EFCAB6: variants seen among roughly 807,000 people sequenced by gnomAD.
EFCAB6 encodes EF-hand calcium binding domain 6.
A neutral mutation model predicts 169.8 loss-of-function variants in EFCAB6; 156 were observed. That is an observed-to-expected ratio of 0.92 (90% CI 0.81 to 1.05). The LOEUF is 1.05. EFCAB6 is among the 50% of genes least tolerant of loss of function. The probability of loss-of-function intolerance (pLI) is 0.00; values close to 1 mark genes in which losing one functional copy is unlikely to be tolerated. For missense variants in EFCAB6, 1,800 were observed against 1,829.1 expected (o/e 0.98, Z 0.29); for synonymous variants, 698 against 676.4 (o/e 1.03, Z -0.50).
intron 2 of EFCAB6, among the ~76,000 whole-genome samples, chr22:43,793,193 AT>A (rs1298241893): frequency 6.6e-6 from 1 of 152,220 alleles, no homozygotes; most frequent in African/African-American, 2.4e-5. Flanking sequence ...TGAAAAAAAA[AT>A]AATCATATGA....
At chr22:43,627,841 G>A in intron 19 of EFCAB6, among the ~76,000 whole-genome samples, 1 of 152,222 alleles carries the variant, frequency 6.6e-6, no homozygotes, top group Non-Finnish European at 1.5e-5. Context: ...TGGGGATTTT[G>A]TGGAAAGCTC....
chr22:43,746,345 C>T (rs932284617), intron 6 of EFCAB6, among the ~76,000 whole-genome samples: 6 of 151,998 alleles, frequency 3.9e-5, no homozygotes, highest in Admixed American at 2.6e-4. Flanking sequence ...AAGCTGACCC[C>T]GAAAAAATGA....
intron 10 of EFCAB6, among the ~76,000 whole-genome samples, chr22:43,695,769 C>A (rs1275007812): frequency 1.3e-5 from 2 of 152,040 alleles, no homozygotes; most frequent in African/African-American, 2.4e-5. Flanking sequence ...AATTGGATAT[C>A]TGTATGGAAA....
At chr22:43,590,044 A>G in intron 24 of EFCAB6, 30 bp downstream of exon 24, 2 of 1,599,624 alleles carry the variant, frequency 1.3e-6, no homozygotes, top group Non-Finnish European at 1.7e-6. Context: ...CAGGGCCATG[A>G]GAAACATATT....
intron 20 of EFCAB6, among the ~76,000 whole-genome samples, chr22:43,616,868 C>A (rs1020708959): frequency 9.2e-5 from 14 of 152,178 alleles, no homozygotes; most frequent in Admixed American, 2.6e-4. Context: ...CATGTGCACA[C>A]CCACATTGGC....
intron 27 of EFCAB6, among the ~76,000 whole-genome samples, chr22:43,548,754 C>T (rs949567675): frequency 6.6e-6 from 1 of 151,932 alleles, no homozygotes; most frequent in African/African-American, 2.4e-5. Context: ...GCCAAAGAGA[C>T]AAAAAGGACA....
At chr22:43,603,058 G>T (rs2052641230) in intron 22 of EFCAB6, among the ~76,000 whole-genome samples, 1 of 152,058 alleles carries the variant, frequency 6.6e-6, no homozygotes, top group Non-Finnish European at 1.5e-5. Flanking sequence ...TGGCTGTTGG[G>T]CTAAGAAAAG....
chr22:43,555,965 T>C (rs1331710071), intron 26 of EFCAB6, among the ~76,000 whole-genome samples: 1 of 152,216 alleles, frequency 6.6e-6, no homozygotes, highest in Non-Finnish European at 1.5e-5. Context: ...GAGGGCGGCA[T>C]CCCACCTTCA....
chr22:43,662,008 A>C (rs942011129), intron 17 of EFCAB6, among the ~76,000 whole-genome samples: 3 of 151,932 alleles, frequency 2.0e-5, no homozygotes, highest in Non-Finnish European at 4.4e-5. Context: ...AAACTTGTCT[A>C]CTGAAAATAT....
chr22:43,659,475 A>G (rs2148135830), intron 17 of EFCAB6, among the ~76,000 whole-genome samples: 1 of 152,196 alleles, frequency 6.6e-6, no homozygotes, highest in East Asian at 1.9e-4. Flanking sequence ...CCTGGGCAAT[A>G]TAGTGAGACC....
At chr22:43,777,280 T>C (rs1603359753) in intron 3 of EFCAB6, among the ~76,000 whole-genome samples, 1 of 152,062 alleles carries the variant, frequency 6.6e-6, no homozygotes, top group East Asian at 1.9e-4. Context: ...CGCAGAAAGG[T>C]CCGCGAGGCA....
chr22:43,610,611 G>A (rs1270532604), intron 21 of EFCAB6, among the ~76,000 whole-genome samples: 2 of 152,170 alleles, frequency 1.3e-5, no homozygotes, highest in Admixed American at 1.3e-4. Context: ...CTGGCTCCTG[G>A]TCTAAGATAT....
intron 7 of EFCAB6, among the ~76,000 whole-genome samples, chr22:43,733,495 G>A (rs2060025435): frequency 6.6e-6 from 1 of 152,166 alleles, no homozygotes; most frequent in Non-Finnish European, 1.5e-5. Context: ...GGGCTTGGTG[G>A]TAATTGTATC....
intron 21 of EFCAB6, 21 bp from the exon 22 acceptor site, chr22:43,608,621 A>C: frequency 6.2e-7 from 1 of 1,607,998 alleles, no homozygotes. Flanking sequence ...AGAATACGGT[A>C]TTTAGGAACA....
chr22:43,576,114 A>T (rs966393540), intron 26 of EFCAB6, among the ~76,000 whole-genome samples, 183 bp downstream of exon 26: 5 of 152,218 alleles, frequency 3.3e-5, no homozygotes, highest in Admixed American at 1.3e-4. Context: ...CAACAAAGTA[A>T]AGGATGCATA....
intron 21 of EFCAB6, among the ~76,000 whole-genome samples, chr22:43,615,514 A>G (rs1322145520): frequency 6.6e-6 from 1 of 152,206 alleles, no homozygotes; most frequent in African/African-American, 2.4e-5. Context: ...TTTTCCGTTA[A>G]AGTAATGGCT....
At position 43,580,455 on chromosome 22, in the gene EFCAB6, C is replaced by T. The variant is rs1346086505; in HGVS notation, c.3228+9G>A. ...GTTTTCACAGTAAAGCACTTTCAGCCTGTCATACCGTGGACAAAGCCAGCT... is the reference window on the plus strand; with the variant it reads ...GTTTTCACAGTAAAGCACTTTCAGCTTGTCATACCGTGGACAAAGCCAGCT... On this transcript the variant is annotated intron_variant, in intron 25 of 31. Transcript: ENST00000262726. The T allele has an allele frequency of 6.2e-7, 1 of 1,613,224 alleles. No homozygotes were observed. The highest frequency in any genetic ancestry group is 1.3e-5 in the African/African-American group (1 of 74,862).
At chr22:43,647,400 TATTA>T (rs752277887) in intron 17 of EFCAB6, among the ~76,000 whole-genome samples, 27 of 152,342 alleles carry the variant, frequency 1.8e-4, no homozygotes, top group Middle Eastern at 3.4e-3. Context: ...GCGGATAAAT[TATTA>T]ATTAATTCTA....
At chr22:43,560,013 A>G (rs907328932) in intron 26 of EFCAB6, among the ~76,000 whole-genome samples, 6 of 152,244 alleles carry the variant, frequency 3.9e-5, no homozygotes, top group African/African-American at 1.4e-4. Flanking sequence ...CATGTATCCC[A>G]GAACTGAAAG....
Sources: allele counts gnomAD v4.1 joint callset (sites outside exome capture counted in the v4.1 genomes callset), GRCh38; gene constraint gnomAD v4.1.1; transcripts MANE v1.5; gene names NCBI Gene and HGNC (gene_info 2026-07-23, HGNC 2026-07-21).